CDKAL1: variants seen among roughly 807,000 people sequenced by gnomAD.
CDKAL1 encodes CDKAL1 threonylcarbamoyladenosine tRNA methylthiotransferase.
In CDKAL1, 32 loss-of-function variants were observed where a neutral mutation model predicts 68.2. The observed-to-expected ratio is 0.47, with a 90% CI of 0.35 to 0.63. The LOEUF (loss-of-function observed/expected upper bound fraction) is 0.63. Among genes scored for constraint, CDKAL1 ranks in the 30% least tolerant of loss-of-function variants. The pLI is 0.00. For missense variants in CDKAL1, 606 were observed against 696.7 expected (o/e 0.87, Z 1.47); for synonymous variants, 234 against 244.3 (o/e 0.96, Z 0.39).
chr6:21,038,599 G>T (rs1769726181), intron 11 of CDKAL1, among the ~76,000 whole-genome samples: 1 of 152,120 alleles, frequency 6.6e-6, no homozygotes, highest in South Asian at 2.1e-4. Context: ...TAGCAAGCTT[G>T]TCCAGCCCAC....
intron 4 of CDKAL1, among the ~76,000 whole-genome samples, chr6:20,603,558 T>C (rs1766197846): frequency 6.6e-6 from 1 of 152,090 alleles, no homozygotes. Context: ...GAGCCTAGTT[T>C]ATAAGTGGGT....
intron 13 of CDKAL1, among the ~76,000 whole-genome samples, chr6:21,189,991 G>A (rs1340845583): frequency 1.3e-5 from 2 of 152,168 alleles, no homozygotes; most frequent in Admixed American, 1.3e-4. Flanking sequence ...TGTAATTACA[G>A]CGGTTCACTG....
intron 15 of CDKAL1, among the ~76,000 whole-genome samples, chr6:21,205,782 T>C (rs377518952): frequency 1.9e-3 from 289 of 149,502 alleles, no homozygotes; most frequent in Middle Eastern, 3.5e-3. Flanking sequence ...CTGCCCGCCT[T>C]GGCCTCCCAA....
At chr6:20,963,986 A>T (rs1263894227) in intron 10 of CDKAL1, among the ~76,000 whole-genome samples, 1 of 152,186 alleles carries the variant, frequency 6.6e-6, no homozygotes, top group Admixed American at 6.5e-5. Flanking sequence ...CCCATTAAAA[A>T]CTGGGCAAAA....
intron 5 of CDKAL1, among the ~76,000 whole-genome samples, chr6:20,677,949 A>G (rs1235096162): frequency 1.3e-5 from 2 of 151,836 alleles, no homozygotes; most frequent in African/African-American, 4.8e-5. Context: ...GTTATTTTTA[A>G]TTTTTCTGCT....
At chr6:21,215,097 G>A (rs1429213835) in intron 15 of CDKAL1, among the ~76,000 whole-genome samples, 2 of 152,180 alleles carry the variant, frequency 1.3e-5, no homozygotes, top group African/African-American at 4.8e-5. Flanking sequence ...CTGTAGGGTA[G>A]CTCAGCAGCT....
At chr6:21,081,158 G>A (rs1772377418) in intron 12 of CDKAL1, among the ~76,000 whole-genome samples, 1 of 152,066 alleles carries the variant, frequency 6.6e-6, no homozygotes, top group Admixed American at 6.6e-5. Flanking sequence ...CCTTCCTTTT[G>A]GCATTCATTT....
intron 13 of CDKAL1, among the ~76,000 whole-genome samples, chr6:21,111,715 AAG>A (rs1774129087): frequency 6.6e-6 from 1 of 152,244 alleles, no homozygotes; most frequent in African/African-American, 2.4e-5. Flanking sequence ...TTCTTGCACT[AAG>A]AAATGTTGCT....
At chr6:20,550,604 G>A (rs1036651940) in intron 4 of CDKAL1, among the ~76,000 whole-genome samples, 1 of 152,096 alleles carries the variant, frequency 6.6e-6, no homozygotes, top group South Asian at 2.1e-4. Flanking sequence ...ATGCTTGCTC[G>A]TTGCCACCGT....
At chr6:20,814,246 A>T (rs570342721) in intron 8 of CDKAL1, among the ~76,000 whole-genome samples, 61 of 151,780 alleles carry the variant, frequency 4.0e-4, no homozygotes, top group Middle Eastern at 3.4e-3. Context: ...TAAAAATAAA[A>T]TTTTTTTTTA....
intron 9 of CDKAL1, among the ~76,000 whole-genome samples, chr6:20,928,316 T>C (rs796837889): frequency 6.6e-6 from 1 of 152,360 alleles, no homozygotes; most frequent in African/African-American, 2.4e-5. Flanking sequence ...ACTAGTTTTC[T>C]AGTGGTAAAA....
At chr6:21,137,664 G>A (rs1775679102) in intron 13 of CDKAL1, among the ~76,000 whole-genome samples, 1 of 151,934 alleles carries the variant, frequency 6.6e-6, no homozygotes, top group South Asian at 2.1e-4. Context: ...CTATTCACAG[G>A]GCAAAATGAC....
chr6:20,720,729 A>C (rs941318509), intron 5 of CDKAL1, among the ~76,000 whole-genome samples: 1 of 152,056 alleles, frequency 6.6e-6, no homozygotes, highest in Non-Finnish European at 1.5e-5. Context: ...CAAACTCCTG[A>C]CCTCAAGTGA....
At chr6:20,591,621 A>G (rs560142025) in intron 4 of CDKAL1, among the ~76,000 whole-genome samples, 3 of 152,270 alleles carry the variant, frequency 2.0e-5, no homozygotes, top group Non-Finnish European at 2.9e-5. Context: ...CCATTTATTA[A>G]ATAGGGAATC....
intron 5 of CDKAL1, among the ~76,000 whole-genome samples, chr6:20,720,541 T>C (rs1490104777): frequency 6.6e-6 from 1 of 152,168 alleles, no homozygotes; most frequent in East Asian, 1.9e-4. Flanking sequence ...TACTTCTTTT[T>C]TGTAGCCCAG....
intron 10 of CDKAL1, among the ~76,000 whole-genome samples, chr6:20,994,049 T>G (rs1236939943): frequency 6.6e-6 from 1 of 152,160 alleles, no homozygotes; most frequent in Non-Finnish European, 1.5e-5. Context: ...GCCCTTCAGC[T>G]CAGACTCACC....
intron 12 of CDKAL1, among the ~76,000 whole-genome samples, chr6:21,078,726 G>A (rs547844392): frequency 6.6e-6 from 1 of 152,254 alleles, no homozygotes; most frequent in South Asian, 2.1e-4. Flanking sequence ...GCAGGGTGAG[G>A]AGGAGAGCTT....
At chr6:20,876,845 T>TAC (rs199865465) in intron 9 of CDKAL1, among the ~76,000 whole-genome samples, 21 of 152,218 alleles carry the variant, frequency 1.4e-4, no homozygotes, top group South Asian at 4.1e-4. Context: ...CTTTATGATA[T>TAC]ACACACACAC....
In CDKAL1 at chr6:20,613,249, C is replaced by CTTT. The variant is rs71559677; in HGVS notation, c.287-36003_287-36001dup. Among the ~76,000 whole-genome samples, 74 of 77,836 alleles carry CTTT rather than the reference C, an allele frequency of 9.5e-4. 8 individuals carry two copies. The highest frequency in any genetic ancestry group is 1.8e-3 in the East Asian group (6 of 3,352). 51.1% of individuals were successfully genotyped at this position (77,836 alleles called of 152,430 possible). ...TATCAGTTCATCACAAAATTTCTTT[C>CTTT]TTTTTTTTTTTTTTTTTTTTTTTTT... On this transcript the variant is annotated intron_variant, in intron 4 of 15. Transcript: ENST00000274695.
Sources: gnomAD v4.1 joint callset for allele counts (sites outside exome capture counted in the v4.1 genomes callset) on GRCh38, gnomAD v4.1.1 for gene constraint, MANE v1.5 for transcripts, NCBI Gene and HGNC (gene_info 2026-07-23, HGNC 2026-07-21) for gene names.